The following NPAS3 variants were observed in gnomAD, a reference collection of about 807,000 sequenced individuals.
NPAS3 encodes the protein neuronal PAS domain protein 3, also known as neuronal PAS domain-containing protein 3.
NPAS3 carries 14 observed loss-of-function variants against 73.1 expected under a neutral mutation model. The ratio of observed to expected loss-of-function variants is 0.19; its 90% CI spans 0.13 to 0.30. The LOEUF is 0.30. NPAS3 is among the 10% of genes least tolerant of loss of function. The pLI, the probability that NPAS3 is intolerant of heterozygous loss-of-function variation, is 1.00. For missense variants in NPAS3, 1,096 were observed against 1,250.0 expected, an observed-to-expected ratio of 0.88 and a Z score of 1.86; for synonymous variants, 620 against 541.5, an observed-to-expected ratio of 1.14 and a Z score of -2.01.
chr14:33,545,906 A>G (rs1373649032), intron 4 of NPAS3, among the ~76,000 whole-genome samples: 1 of 152,208 alleles, frequency 6.6e-6, no homozygotes, highest in Non-Finnish European at 1.5e-5. Flanking sequence ...GAGCTGAAGC[A>G]AGTCCATTCC....
chr14:33,215,239 A>G, exon 3 of NPAS3: 1 of 1,612,068 alleles, frequency 6.2e-7, no homozygotes, highest in Non-Finnish European at 8.5e-7. Flanking sequence ...GCCGGGGAAA[A>G]GAAAACTTTG....
At chr14:32,989,526 C>T (rs1030214387) in intron 1 of NPAS3, among the ~76,000 whole-genome samples, 1 of 152,086 alleles carries the variant, frequency 6.6e-6, no homozygotes. Flanking sequence ...CGCCTGTAGT[C>T]CCAGCTACGC....
At chr14:33,658,817 T>C (rs1375924574) in intron 5 of NPAS3, among the ~76,000 whole-genome samples, 3 of 152,176 alleles carry the variant, frequency 2.0e-5, no homozygotes, top group African/African-American at 7.2e-5. Context: ...AATAGTGTAT[T>C]AATAATGCTC....
intron 3 of NPAS3, among the ~76,000 whole-genome samples, chr14:33,306,798 T>G (rs144077386): frequency 1.8e-3 from 273 of 152,248 alleles, no homozygotes; most frequent in Middle Eastern, 0.01. Flanking sequence ...AGAAGAGAGA[T>G]AATTTGTGTT....
chr14:33,285,433 C>T (rs1349148170), intron 3 of NPAS3, among the ~76,000 whole-genome samples: 2 of 152,150 alleles, frequency 1.3e-5, no homozygotes, highest in African/African-American at 4.8e-5. Context: ...TTTTCTCCTT[C>T]CAATTCATCT....
intron 5 of NPAS3, among the ~76,000 whole-genome samples, chr14:33,640,931 A>G (rs2058659387): frequency 1.3e-5 from 2 of 152,204 alleles, no homozygotes. Context: ...AAATTTTGTT[A>G]ATAAATATGT....
chr14:33,767,615 T>TC (rs2062507316), intron 7 of NPAS3, among the ~76,000 whole-genome samples: 1 of 151,000 alleles, frequency 6.6e-6, no homozygotes, highest in Non-Finnish European at 1.5e-5. Context: ...TTTTTTTTTT[T>TC]CGTACCTGAA....
intron 4 of NPAS3, among the ~76,000 whole-genome samples, chr14:33,533,494 C>G (rs1031736360): frequency 1.3e-5 from 2 of 152,148 alleles, no homozygotes; most frequent in African/African-American, 4.8e-5. Context: ...TGTTGAGAAA[C>G]TGACATTCCT....
intron 3 of NPAS3, among the ~76,000 whole-genome samples, chr14:33,273,701 G>T (rs770204977): frequency 3.3e-5 from 5 of 152,100 alleles, no homozygotes; most frequent in Non-Finnish European, 7.4e-5. Flanking sequence ...CATTAAAAAT[G>T]ATAGATTTGG....
At chr14:33,474,532 A>C (rs1486993362) in intron 4 of NPAS3, among the ~76,000 whole-genome samples, 2 of 152,108 alleles carry the variant, frequency 1.3e-5, no homozygotes, top group Non-Finnish European at 2.9e-5. Flanking sequence ...ATCGCCTTTA[A>C]TTTTACATAT....
intron 4 of NPAS3, among the ~76,000 whole-genome samples, chr14:33,495,712 C>T (rs1012302787): frequency 2.6e-5 from 4 of 151,988 alleles, no homozygotes; most frequent in Non-Finnish European, 5.9e-5. Flanking sequence ...GTGTTGATCC[C>T]TTTACCATTA....
At chr14:32,975,331 T>G (rs1421261449) in intron 1 of NPAS3, among the ~76,000 whole-genome samples, 1 of 151,020 alleles carries the variant, frequency 6.6e-6, no homozygotes, top group Admixed American at 6.6e-5. Context: ...CCTGCCTCCT[T>G]CCCTTTTTAG....
At chr14:33,714,953 A>G (rs183349902) in intron 6 of NPAS3, among the ~76,000 whole-genome samples, 2 of 152,360 alleles carry the variant, frequency 1.3e-5, no homozygotes, top group East Asian at 3.9e-4. Context: ...GGCAGTTATG[A>G]CATAAGCCAG....
chr14:33,560,233 C>A (rs749797972), intron 5 of NPAS3, 23 bp downstream of exon 5: 3 of 852,420 alleles, frequency 3.5e-6, no homozygotes, highest in African/African-American at 1.6e-5. Flanking sequence ...ATTTTAGATT[C>A]TTGGCAGCGA....
At chr14:33,802,087 C>T (rs1478128726), downstream of NPAS3, 1 of 152,188 alleles carries the variant, frequency 6.6e-6, no homozygotes, top group Admixed American at 6.5e-5. Context: ...TAGGTACATA[C>T]TGCCTTTTGT....
intron 3 of NPAS3, among the ~76,000 whole-genome samples, chr14:33,231,741 T>C (rs2139775962): frequency 6.6e-6 from 1 of 152,304 alleles, no homozygotes; most frequent in African/African-American, 2.4e-5. Flanking sequence ...TAATTATTCC[T>C]GTTCTTTATG....
At position 33,187,515 on chromosome 14, in the gene NPAS3, A is replaced by G. The variant is rs577784486; in HGVS notation, c.141-27667A>G. ...AAAAAAAATTATGTAGGTTTGTTGT[A>G]TACTTGTTTCCCTTTTTAAAAATTC... On this transcript the variant is annotated intron_variant, in intron 2 of 11. Transcript: ENST00000356141. 3.9e-4 allele frequency among the ~76,000 whole-genome samples: 60 copies of G among 152,192 alleles called. 1 individual carries two copies. The South Asian group carries it at 0.012, about 32-fold the overall frequency.
chr14:33,631,539 C>G (rs1301813094), intron 5 of NPAS3, among the ~76,000 whole-genome samples: 1 of 152,176 alleles, frequency 6.6e-6, no homozygotes, highest in Non-Finnish European at 1.5e-5. Context: ...GCACGTGTCC[C>G]AGTGGCCTTT....
At chr14:33,761,742 A>T (rs2062298660) in intron 7 of NPAS3, among the ~76,000 whole-genome samples, 1 of 152,216 alleles carries the variant, frequency 6.6e-6, no homozygotes, top group Non-Finnish European at 1.5e-5. Context: ...AAATTTTTTA[A>T]AAATATTTTT....
Sources: allele counts gnomAD v4.1 joint callset (sites outside exome capture counted in the v4.1 genomes callset), GRCh38; gene constraint gnomAD v4.1.1; transcripts MANE v1.5; gene names NCBI Gene and HGNC (gene_info 2026-07-23, HGNC 2026-07-21).